KIF13A: variants seen among roughly 807,000 people sequenced by gnomAD.
KIF13A encodes the protein kinesin family member 13A, also known as kinesin-like protein KIF13A.
In KIF13A, 79 loss-of-function variants were observed where a neutral mutation model predicts 212.2. That is an observed-to-expected ratio of 0.37 (90% CI 0.31 to 0.45). The LOEUF (loss-of-function observed/expected upper bound fraction) is 0.45. Among genes scored for constraint, KIF13A ranks in the 20% least tolerant of loss-of-function variants. The probability of loss-of-function intolerance (pLI) is 1.00; values close to 1 mark genes in which losing one functional copy is unlikely to be tolerated. For synonymous variants in KIF13A, 789 were observed against 808.6 expected, an observed-to-expected ratio of 0.98 and a Z score of 0.41; for missense variants, 1,901 against 2,209.0, an observed-to-expected ratio of 0.86 and a Z score of 2.79.
At chr6:17,880,752 C>T (rs1470701950) in intron 3 of KIF13A, among the ~76,000 whole-genome samples, 1 of 151,816 alleles carries the variant, frequency 6.6e-6, no homozygotes, top group Admixed American at 6.6e-5. Flanking sequence ...TCCCGAGTAG[C>T]TAGGACTACA....
At chr6:17,975,150 C>G (rs542384727) in intron 2 of KIF13A, among the ~76,000 whole-genome samples, 5 of 152,132 alleles carry the variant, frequency 3.3e-5, no homozygotes, top group Non-Finnish European at 7.4e-5. Flanking sequence ...TTAAGGCCAG[C>G]CTGGCCAACA....
chr6:17,965,322 T>G (rs1304234839), intron 2 of KIF13A, among the ~76,000 whole-genome samples: 1 of 148,752 alleles, frequency 6.7e-6, no homozygotes, highest in Non-Finnish European at 1.5e-5. Context: ...TACAACCATC[T>G]AGCCATACAA....
rs1265089488 is a variant in KIF13A at position 17,764,877 on chromosome 6, G to A, written c.4651C>T (p.Pro1551Ser). 1 of 1,613,650 alleles carries A rather than the reference G, an allele frequency of 6.2e-7. No homozygotes were observed. The change falls in exon 39 of 39, where the codon CCT becomes TCT. Residue 1551 changes from proline to serine, a missense_variant. Pro to Ser is a moderately conservative substitution (Grantham distance 74). Transcript: ENST00000259711. The surrounding 1 kb of genome is among the most constrained non-coding windows in gnomAD (Gnocchi z 5.1). ...ACACTGAAGTCAGCAAACTCCACAG[G>A]TACATAAGGCTGTGAACTTATTAGC... ...RKLISSQPYV[P>S]VEFADFSVYN...
At chr6:17,804,159 C>CAAAT (rs1242014453) in intron 20 of KIF13A, among the ~76,000 whole-genome samples, 1 of 151,710 alleles carries the variant, frequency 6.6e-6, no homozygotes. Context: ...CTCAAACAAA[C>CAAAT]AAACAAACAA....
At chr6:17,950,782 TCTAATTA>T in intron 2 of KIF13A, 1 of 979,496 alleles carries the variant, frequency 1.0e-6, no homozygotes, top group Non-Finnish European at 1.2e-6. Context: ...TAGAAAAATC[TCTAATTA>T]CTAAAGGACT....
At position 17,869,606 on chromosome 6, in the gene KIF13A, C is replaced by G. The variant is rs540628112; in HGVS notation, c.220+3771G>C. Among the ~76,000 whole-genome samples the G allele has an allele frequency of 1.0e-4, 15 of 149,786 alleles. No homozygotes were observed. In the South Asian group the frequency reaches 3.0e-3, roughly 30 times the overall value. ...TGACTTAAGAGCCCATATTCTTCAA[C>G]TGCTCCAACCAACCCACTACAATGC... is the stretch of plus-strand genomic sequence containing the variant. On this transcript the variant is annotated intron_variant, in intron 4 of 38. Coordinates refer to ENST00000259711, the MANE Select transcript of KIF13A (RefSeq NM_022113.6).
intron 4 of KIF13A, among the ~76,000 whole-genome samples, chr6:17,869,468 G>A (rs1027594628): frequency 6.6e-6 from 1 of 152,166 alleles, no homozygotes; most frequent in African/African-American, 2.4e-5. Flanking sequence ...TATGAGATCA[G>A]AACTATTAGT....
Position 17,828,102 on chromosome 6 carries a change from A to T in KIF13A, c.1532+138T>A, listed in dbSNP as rs1765128071. On this transcript the variant is annotated intron_variant, in intron 14 of 38. Transcript: ENST00000259711. This position sits in a 1 kb window ranked among gnomAD's most constrained non-coding sequence, Gnocchi z 4.3. ...TCCTTCACAGTAATCACTCTCTACAATCAGAAAGCAAGGGCCCCCTGAGGA... is the reference window on the plus strand; with the variant it reads ...TCCTTCACAGTAATCACTCTCTACATTCAGAAAGCAAGGGCCCCCTGAGGA... The T allele has an allele frequency of 1.4e-6, 1 of 702,348 alleles. No individual in the cohort carries two copies. The highest frequency in any genetic ancestry group is 2.3e-6 in the Non-Finnish European group (1 of 435,924). The allele number at this position is 702,348 out of a possible 1,614,324, so 43.5% of individuals were successfully genotyped here. A position where few individuals can be genotyped will look rare whatever the true frequency, so the allele number is the denominator to read the frequency against.
chr6:17,906,778 T>A (rs1365763231), intron 2 of KIF13A, among the ~76,000 whole-genome samples: 3 of 152,176 alleles, frequency 2.0e-5, no homozygotes, highest in African/African-American at 7.2e-5. Context: ...AAGAACACTA[T>A]TCTTGCAGTT....
rs950628886 is a variant in KIF13A at position 17,950,572 on chromosome 6, C to T, written c.146+36482G>A. On this transcript the variant is annotated intron_variant, in intron 2 of 38. Transcript: ENST00000259711. ...CCCCATTTGTTGGATGAATGCCCCA[C>T]AGGATTTTAACAAAAGCATTATTTA... 1.3e-5 allele frequency: 13 copies of T among 985,036 alleles called. No homozygotes were observed. The African/African-American group carries it at 1.7e-4, about 13-fold the overall frequency. 61.0% of individuals were successfully genotyped at this position (985,036 alleles called of 1,614,324 possible).
intron 2 of KIF13A, among the ~76,000 whole-genome samples, chr6:17,905,802 G>C (rs1342879984): frequency 6.6e-6 from 1 of 152,230 alleles, no homozygotes; most frequent in African/African-American, 2.4e-5. Flanking sequence ...GGATTGTTCT[G>C]TTGCCAAGCT....
At chr6:17,863,806 TTTTGTTTTTGC>T (rs568790403) in intron 4 of KIF13A, among the ~76,000 whole-genome samples, 31 of 152,222 alleles carry the variant, frequency 2.0e-4, no homozygotes, top group Non-Finnish European at 3.7e-4. Flanking sequence ...TTTTGTTTTG[TTTTGTTTTTGC>T]TTTGTTCACT....
rs1768100343 is a variant in KIF13A at position 17,855,959 on chromosome 6, C to T, written c.313+71G>A. On this transcript the variant is annotated intron_variant, in intron 5 of 38. Coordinates refer to ENST00000259711, the MANE Select transcript of KIF13A (RefSeq NM_022113.6). The surrounding 1 kb of genome is among the most constrained non-coding windows in gnomAD (Gnocchi z 4.1). ...CTCCTGGGCTCAGGAGATCCTCCCACCCCAGCCTCACCAAGTCCTGGGATT... is the reference window on the plus strand; with the variant it reads ...CTCCTGGGCTCAGGAGATCCTCCCATCCCAGCCTCACCAAGTCCTGGGATT... 9.3e-7 allele frequency: 1 copy of T among 1,078,654 alleles called. No individual in the cohort carries two copies. The allele number at this position is 1,078,654 out of a possible 1,614,324, so 66.8% of individuals were successfully genotyped here.
intron 19 of KIF13A, among the ~76,000 whole-genome samples, chr6:17,805,108 A>G (rs1171946496): frequency 6.6e-6 from 1 of 152,054 alleles, no homozygotes; most frequent in African/African-American, 2.4e-5. Context: ...CACATTAATG[A>G]ATGCGAAATC....
chr6:17,796,833 G>C lies in KIF13A; in HGVS notation c.2791-13C>G. ...TCACCACATAGTCCTGGGATAAGTGGGGGAAAGCAAAAGAATTATGCTTAA... is the reference window on the plus strand; with the variant it reads ...TCACCACATAGTCCTGGGATAAGTGCGGGAAAGCAAAAGAATTATGCTTAA... On this transcript the variant is annotated splice_polypyrimidine_tract_variant and intron_variant, in intron 22 of 38. Transcript: ENST00000259711. 1 of 1,467,354 alleles carries C rather than the reference G, an allele frequency of 6.8e-7. No individual in the cohort carries two copies. The highest frequency in any genetic ancestry group is 9.1e-7 in the Non-Finnish European group (1 of 1,100,746). The allele number at this position is 1,467,354 out of a possible 1,614,324, so 90.9% of individuals were successfully genotyped here. A position where few individuals can be genotyped will look rare whatever the true frequency, so the allele number is the denominator to read the frequency against.
At position 17,947,704 on chromosome 6, in the gene KIF13A, G is replaced by C. The variant is rs1270484005; in HGVS notation, c.146+39350C>G. ...ATACAAAAAAAAATTAGCCAGGCATGGTGGCGGGTGCCTGTAATCCCAGCT... is the reference window on the plus strand; with the variant it reads ...ATACAAAAAAAAATTAGCCAGGCATCGTGGCGGGTGCCTGTAATCCCAGCT... On this transcript the variant is annotated intron_variant, in intron 2 of 38. Coordinates refer to ENST00000259711, the MANE Select transcript of KIF13A (RefSeq NM_022113.6). The surrounding 1 kb of genome is among the most constrained non-coding windows in gnomAD (Gnocchi z 4.6). 6.6e-6 allele frequency among the ~76,000 whole-genome samples: 1 copy of C among 152,174 alleles called. No individual in the cohort carries two copies. Among genetic ancestry groups the C allele is most frequent in the Non-Finnish European group, 1.5e-5 (1 of 68,030 alleles).
chr6:17,822,042 T>C, intron 16 of KIF13A: 1 of 833,028 alleles, frequency 1.2e-6, no homozygotes, highest in South Asian at 1.9e-5. Flanking sequence ...AAACATAACT[T>C]CTTTTTTTTT....
At chr6:17,801,517 AAAC>A (rs932229951) in intron 20 of KIF13A, among the ~76,000 whole-genome samples, 4 of 152,156 alleles carry the variant, frequency 2.6e-5, no homozygotes, top group Admixed American at 6.6e-5. Flanking sequence ...ACAACAACAA[AAAC>A]AACAACAACA....
chr6:17,834,691 G>A lies in KIF13A; in HGVS notation c.1156-620C>T, dbSNP rs1376213159. 6.6e-6 allele frequency among the ~76,000 whole-genome samples: 1 copy of A among 152,172 alleles called. No individual in the cohort carries two copies. The highest frequency in any genetic ancestry group is 1.5e-5 in the Non-Finnish European group (1 of 68,032). On this transcript the variant is annotated intron_variant, in intron 11 of 38. Transcript: ENST00000259711. This position sits in a 1 kb window ranked among gnomAD's most constrained non-coding sequence, Gnocchi z 4.0. ...CTTGCAGCTTAACAAAATTTTGAGG[G>A]GAGAGGCCTTTACTTGTCAATAATA...
Sources: gnomAD v4.1 joint callset for allele counts (sites outside exome capture counted in the v4.1 genomes callset) on GRCh38, gnomAD v4.1.1 for gene constraint, Gnocchi (gnomAD v3.1) non-coding constraint, MANE v1.5 for transcripts, NCBI Gene and HGNC (gene_info 2026-07-23, HGNC 2026-07-21) for gene names.